Variants in NTM observed in about 807,000 individuals in gnomAD.
NTM encodes IgLON family member 2.
Under a neutral mutation model 42.1 loss-of-function variants are expected in NTM, and 13 were observed. The observed-to-expected ratio is 0.31, with a 90% CI of 0.20 to 0.49. The LOEUF is 0.49. Ranked by LOEUF, NTM falls within the 20% of genes least tolerant of loss-of-function variation. NTM has a pLI of 0.99. For synonymous variants in NTM, 187 were observed against 179.2 expected (o/e 1.04, Z -0.35); for missense variants, 373 against 452.8 (o/e 0.82, Z 1.60).
At chr11:131,928,981 A>T (rs7116183) in intron 2 of NTM, among the ~76,000 whole-genome samples, 44,954 of 152,150 alleles carry the variant, frequency 0.3, 7,761 homozygotes, top group African/African-American at 0.49. Flanking sequence ...CATAGTGTGT[A>T]GTTTAGAATC....
intron 4 of NTM, among the ~76,000 whole-genome samples, chr11:132,214,299 G>C (rs1009761324): frequency 2.6e-5 from 4 of 152,140 alleles, no homozygotes; most frequent in African/African-American, 9.7e-5. Flanking sequence ...GCGGATGCCA[G>C]CCCAGTCTGT....
chr11:131,461,769 T>A (rs1008626476), intron 1 of NTM, among the ~76,000 whole-genome samples: 1 of 152,206 alleles, frequency 6.6e-6, no homozygotes, highest in African/African-American at 2.4e-5. Flanking sequence ...AATTTCACAA[T>A]GTGTATGCAA....
chr11:131,639,598 C>T (rs1189347507), intron 1 of NTM, among the ~76,000 whole-genome samples: 2 of 152,108 alleles, frequency 1.3e-5, no homozygotes, highest in African/African-American at 4.8e-5. Context: ...ACAACCGTTG[C>T]CTCTGCCCCA....
chr11:132,118,576 G>A (rs2064236652), intron 2 of NTM, among the ~76,000 whole-genome samples: 1 of 152,202 alleles, frequency 6.6e-6, no homozygotes, highest in African/African-American at 2.4e-5. Context: ...CTGCTGTTTT[G>A]GAGAAAGCTT....
chr11:132,047,631 C>T lies in NTM; in HGVS notation c.168-98651C>T, dbSNP rs574302780. On this transcript the variant is annotated intron_variant, in intron 2 of 8. Transcript: ENST00000683400. ...CACTGGCATTCTGAGCAGATAGCAG[C>T]CTCCTAGCCATAGCTCTGTTCTTGA... is the stretch of plus-strand genomic sequence containing the variant. Among the ~76,000 whole-genome samples, 9 of 152,360 alleles carry T rather than the reference C, an allele frequency of 5.9e-5. No homozygotes were observed. The South Asian group carries it at 1.9e-3, about 32-fold the overall frequency.
intron 1 of NTM, among the ~76,000 whole-genome samples, chr11:131,807,748 A>C (rs2092570689): frequency 6.6e-6 from 1 of 152,024 alleles, no homozygotes; most frequent in African/African-American, 2.4e-5. Context: ...GGCACCTGTT[A>C]GGCATTAAAT....
chr11:132,306,166 T>G (rs1437288335), intron 4 of NTM: 1 of 152,336 alleles, frequency 6.6e-6, no homozygotes, highest in East Asian at 1.9e-4. Context: ...ATGGTCTTGT[T>G]GTTGTTGCTG....
chr11:132,296,394 T>G (rs2094610529), intron 4 of NTM, among the ~76,000 whole-genome samples: 1 of 152,236 alleles, frequency 6.6e-6, no homozygotes, highest in Non-Finnish European at 1.5e-5. Flanking sequence ...ACTTTTCCTA[T>G]AGTTTGTTCC....
intron 2 of NTM, among the ~76,000 whole-genome samples, chr11:132,101,584 GTA>G (rs34914524): frequency 0.23 from 34,943 of 150,844 alleles, 5,025 homozygotes; most frequent in Non-Finnish European, 0.31. Flanking sequence ...GTGTGTGTGT[GTA>G]TGTTTGAATG....
chr11:131,788,949 C>T (rs973472920), intron 1 of NTM, among the ~76,000 whole-genome samples: 1 of 152,144 alleles, frequency 6.6e-6, no homozygotes, highest in Non-Finnish European at 1.5e-5. Flanking sequence ...CCCTCCCTCC[C>T]TGCGGTCTCT....
intron 1 of NTM, among the ~76,000 whole-genome samples, chr11:131,789,419 A>AGAAG (rs1565549187): frequency 3.9e-5 from 2 of 51,932 alleles, no homozygotes; most frequent in African/African-American, 1.9e-4. Flanking sequence ...TTAAAAGAAA[A>AGAAG]AAAGAAGAAG....
intron 1 of NTM, among the ~76,000 whole-genome samples, chr11:131,801,286 C>T (rs1484457413): frequency 6.6e-6 from 1 of 152,100 alleles, no homozygotes; most frequent in African/African-American, 2.4e-5. Context: ...TAGGGCAGCT[C>T]ACTTGAATCA....
intron 1 of NTM, among the ~76,000 whole-genome samples, chr11:131,730,280 C>A (rs1161883404): frequency 1.3e-5 from 2 of 152,132 alleles, no homozygotes; most frequent in Non-Finnish European, 2.9e-5. Flanking sequence ...AGATAGCAGA[C>A]TTAAGTAAAA....
Position 132,069,623 on chromosome 11 carries a change from C to T in NTM, c.168-76659C>T, listed in dbSNP as rs1409906667. ...AGACAAGTTAACACATCACACTGAC[C>T]GTCACAGGTTAGTTAACAGGTCACC... On this transcript the variant is annotated intron_variant, in intron 2 of 8. Coordinates refer to ENST00000683400, the MANE Select transcript of NTM (RefSeq NM_001352005.2). 2.7e-5 allele frequency among the ~76,000 whole-genome samples: 4 copies of T among 150,742 alleles called. No homozygotes were observed. The East Asian group carries it at 6.0e-4, about 22-fold the overall frequency.
At chr11:131,513,908 A>G (rs1479269339) in intron 1 of NTM, among the ~76,000 whole-genome samples, 1 of 152,122 alleles carries the variant, frequency 6.6e-6, no homozygotes, top group African/African-American at 2.4e-5. Context: ...CCAGGGGAAG[A>G]GAAGCAAATG....
At chr11:131,784,453 G>A (rs1409328558) in intron 1 of NTM, among the ~76,000 whole-genome samples, 1 of 152,034 alleles carries the variant, frequency 6.6e-6, no homozygotes. Context: ...AAAGCAGAAG[G>A]AATAAATTCA....
chr11:132,167,406 C>T (rs1355593562), intron 3 of NTM, among the ~76,000 whole-genome samples: 1 of 152,146 alleles, frequency 6.6e-6, no homozygotes, highest in Admixed American at 6.5e-5. Flanking sequence ...TCTCAAAATT[C>T]TACTCTTTGT....
intron 2 of NTM, among the ~76,000 whole-genome samples, chr11:132,009,496 G>A (rs2071598754): frequency 6.6e-6 from 1 of 152,200 alleles, no homozygotes; most frequent in South Asian, 2.1e-4. Context: ...GTCGTTTCTG[G>A]CACTGACACT....
chr11:132,079,037 G>A (rs78005261), intron 2 of NTM, among the ~76,000 whole-genome samples: 3,032 of 152,250 alleles, frequency 0.02, 44 homozygotes, highest in African/African-American at 0.025. Flanking sequence ...CGACCCAGTG[G>A]CTGGAGCAAT....
Sources: allele counts gnomAD v4.1 joint callset (sites outside exome capture counted in the v4.1 genomes callset), GRCh38; gene constraint gnomAD v4.1.1; transcripts MANE v1.5; gene names NCBI Gene and HGNC (gene_info 2026-07-23, HGNC 2026-07-21).